Variants in ABCD2 observed in about 807,000 individuals in gnomAD.
The protein encoded by ABCD2 is ATP binding cassette subfamily D member 2, also known as ATP-binding cassette sub-family D member 2.
A neutral mutation model predicts 70.9 loss-of-function variants in ABCD2; 36 were observed. That is an observed-to-expected ratio of 0.51 (90% CI 0.39 to 0.67). ABCD2 has a LOEUF of 0.67. ABCD2 is among the 30% of genes least tolerant of loss of function. ABCD2 has a pLI of 0.00. For missense variants in ABCD2, 729 were observed against 890.2 expected (o/e 0.82, Z 2.30); for synonymous variants, 304 against 306.9 (o/e 0.99, Z 0.10).
intron 9 of ABCD2, among the ~76,000 whole-genome samples, chr12:39,554,574 C>A (rs577844132): frequency 6.6e-6 from 1 of 152,060 alleles, no homozygotes; most frequent in Middle Eastern, 3.2e-3. Flanking sequence ...GGAATGAGTT[C>A]TTCTGCATAA....
At chr12:39,532,659 A>T in the ABCD2 span, among the ~76,000 whole-genome samples, 1 of 152,228 alleles carries the variant, frequency 6.6e-6, no homozygotes, top group African/African-American at 2.4e-5. Context: ...TGATAGCAGT[A>T]TTACAAAAAA....
At chr12:39,568,667 T>G (rs1443764173) in intron 9 of ABCD2, among the ~76,000 whole-genome samples, 3 of 152,218 alleles carry the variant, frequency 2.0e-5, no homozygotes, top group African/African-American at 7.2e-5. Flanking sequence ...CCGTTGCTGG[T>G]GAGGAGCTGC....
intron 2 of ABCD2, among the ~76,000 whole-genome samples, chr12:39,611,793 A>ATG (rs1313177428): frequency 6.6e-6 from 1 of 151,770 alleles, no homozygotes; most frequent in South Asian, 2.1e-4. Flanking sequence ...TTGAGATTAA[A>ATG]TGTGTGTGTG....
At chr12:39,569,671 C>CTCCCCAGTGA (rs1941418346) in intron 9 of ABCD2, among the ~76,000 whole-genome samples, 1 of 152,150 alleles carries the variant, frequency 6.6e-6, no homozygotes, top group Non-Finnish European at 1.5e-5. Flanking sequence ...GAGATGAACC[C>CTCCCCAGTGA]GGTACCTCAG....
At chr12:39,583,027 T>G (rs1033169832) in intron 7 of ABCD2, among the ~76,000 whole-genome samples, 14 of 152,124 alleles carry the variant, frequency 9.2e-5, no homozygotes, top group African/African-American at 2.9e-4. Context: ...TCCCGGATAA[T>G]TTTTGTATGT....
intron 6 of ABCD2, among the ~76,000 whole-genome samples, chr12:39,590,739 T>G (rs1256437637): frequency 2.0e-5 from 3 of 151,924 alleles, no homozygotes; most frequent in Admixed American, 6.6e-5. Flanking sequence ...CATTAACATC[T>G]AAGTAATCTG....
At chr12:39,595,488 C>T (rs1463502882) in intron 6 of ABCD2, among the ~76,000 whole-genome samples, 2 of 152,114 alleles carry the variant, frequency 1.3e-5, no homozygotes, top group Non-Finnish European at 2.9e-5. Context: ...AAGTTATTAT[C>T]TATATTTAAT....
At chr12:39,596,025 ACTT>A (rs1454967238) in intron 6 of ABCD2, among the ~76,000 whole-genome samples, 2 of 152,176 alleles carry the variant, frequency 1.3e-5, no homozygotes, top group Admixed American at 6.5e-5. Flanking sequence ...TGTACTGATG[ACTT>A]CTTATTAGTG....
intron 9 of ABCD2, among the ~76,000 whole-genome samples, chr12:39,569,729 T>C (rs540870404): frequency 7.2e-5 from 11 of 152,214 alleles, no homozygotes; most frequent in African/African-American, 2.2e-4. Context: ...ATGCTGGGAG[T>C]TGTAGACTGG....
At chr12:39,537,159 A>C in the ABCD2 span, among the ~76,000 whole-genome samples, 2 of 152,044 alleles carry the variant, frequency 1.3e-5, no homozygotes, top group Non-Finnish European at 2.9e-5. Flanking sequence ...CTCTAGACAC[A>C]CACATGCATT....
chr12:39,535,375 A>T, the ABCD2 span, among the ~76,000 whole-genome samples: 1 of 152,230 alleles, frequency 6.6e-6, no homozygotes, highest in Non-Finnish European at 1.5e-5. Context: ...GTTAAAAAAT[A>T]AATTTTATGT....
intron 8 of ABCD2, 49 bp downstream of exon 8, chr12:39,579,486 G>T: frequency 7.5e-7 from 1 of 1,333,704 alleles, no homozygotes; most frequent in Non-Finnish European, 1.1e-6. Flanking sequence ...TTGTTGCTTG[G>T]TTTGGTTACA....
At chr12:39,586,401 A>G (rs1941667455) in intron 6 of ABCD2, 104 bp from the exon 7 acceptor site, 1 of 1,130,852 alleles carries the variant, frequency 8.8e-7, no homozygotes, top group Non-Finnish European at 1.2e-6. Flanking sequence ...TTTAAACACT[A>G]CATTTCCAGG....
chr12:39,563,130 C>G (rs1451619115), intron 9 of ABCD2, among the ~76,000 whole-genome samples: 1 of 152,144 alleles, frequency 6.6e-6, no homozygotes, highest in African/African-American at 2.4e-5. Flanking sequence ...GCTAAAAACA[C>G]TCAACAAACT....
At position 39,613,114 on chromosome 12, in the gene ABCD2, C is replaced by T. The variant is rs898338941; in HGVS notation, c.1120+3874G>A. 2.3e-5 allele frequency among the ~76,000 whole-genome samples: 2 copies of T among 87,654 alleles called. 1 individual carries two copies. The highest frequency in any genetic ancestry group is 1.9e-4 in the Admixed American group (2 of 10,510). 57.5% of individuals were successfully genotyped at this position (87,654 alleles called of 152,430 possible). A position where few individuals can be genotyped will look rare whatever the true frequency, so the allele number is the denominator to read the frequency against. On this transcript the variant is annotated intron_variant, in intron 2 of 9. Coordinates refer to ENST00000308666, the MANE Select transcript of ABCD2 (RefSeq NM_005164.4). ...AAGAATTGAGGTTGTGGGCCGGGCG[C>T]GGTGGCTCACGCCTGTAATCCCAGC...
chr12:39,571,584 G>C lies in ABCD2; in HGVS notation c.2003+2132C>G, dbSNP rs536196973. Among the ~76,000 whole-genome samples, 5 of 152,224 alleles carry C rather than the reference G, an allele frequency of 3.3e-5. No homozygotes were observed. The East Asian group carries it at 9.6e-4, about 29-fold the overall frequency. On this transcript the variant is annotated intron_variant, in intron 9 of 9. Coordinates refer to ENST00000308666, the MANE Select transcript of ABCD2 (RefSeq NM_005164.4). ...TCACTCTGGTCTTACAACATTATTT[G>C]ATTTCTACATGGGAGGAACCAACTG...
At chr12:39,586,088 A>T (rs1941661797) in intron 7 of ABCD2, 64 bp downstream of exon 7, 1 of 1,453,590 alleles carries the variant, frequency 6.9e-7, no homozygotes, top group African/African-American at 1.4e-5. Context: ...CAGACTAAAT[A>T]TATACCCAAG....
chr12:39,543,852 T>C, the ABCD2 span, among the ~76,000 whole-genome samples: 1 of 152,242 alleles, frequency 6.6e-6, no homozygotes, highest in Non-Finnish European at 1.5e-5. Context: ...CATCAGACAC[T>C]GAGCACTAGT....
chr12:39,571,282 C>T (rs976830181), intron 9 of ABCD2, among the ~76,000 whole-genome samples: 2 of 152,072 alleles, frequency 1.3e-5, no homozygotes, highest in African/African-American at 2.4e-5. Flanking sequence ...ATGTTTATTT[C>T]AGCACTATTT....
Sources: allele counts gnomAD v4.1 joint callset (sites outside exome capture counted in the v4.1 genomes callset), GRCh38; gene constraint gnomAD v4.1.1; transcripts MANE v1.5; gene names NCBI Gene and HGNC (gene_info 2026-07-23, HGNC 2026-07-21).